SH3RF3: variants seen among roughly 807,000 people sequenced by gnomAD.
SH3RF3 encodes the protein SH3 domain containing ring finger 3, also known as E3 ubiquitin-protein ligase SH3RF3.
A neutral mutation model predicts 66.3 loss-of-function variants in SH3RF3; 29 were observed. The observed-to-expected ratio is 0.44, with a 90% confidence interval of 0.33 to 0.60. SH3RF3 has a LOEUF of 0.60. Among genes scored for constraint, SH3RF3 ranks in the 20% least tolerant of loss-of-function variants. The probability of loss-of-function intolerance (pLI) is 0.04; values close to 1 mark genes in which losing one functional copy is unlikely to be tolerated. For synonymous variants in SH3RF3, 583 were observed against 532.0 expected (o/e 1.10, Z -1.32); for missense variants, 1,194 against 1,190.9 (o/e 1.00, Z -0.04).
At position 109,501,483 on chromosome 2, in the gene SH3RF3, C is replaced by G; in HGVS notation, c.2481-20C>G. On this transcript the variant is annotated intron_variant, in intron 9 of 9. Transcript: ENST00000309415. ...TGGAGATTGTCTGTGTGGGGCTCAC[C>G]CACTGTGCTGTTTCCCCAGGTACCG... is the stretch of plus-strand genomic sequence containing the variant. 1 of 772,060 alleles carries G rather than the reference C, an allele frequency of 1.3e-6. No homozygotes were observed. The highest frequency in any genetic ancestry group is 1.7e-5 in the Admixed American group (1 of 57,948). 47.8% of individuals were successfully genotyped at this position (772,060 alleles called of 1,614,324 possible). A position where few individuals can be genotyped will look rare whatever the true frequency, so the allele number is the denominator to read the frequency against.
In SH3RF3 at chr2:109,401,514, C is replaced by G. The variant is rs75701168; in HGVS notation, c.1299+2571C>G. Among the ~76,000 whole-genome samples, 1,109 of 152,354 alleles carry G rather than the reference C, an allele frequency of 7.3e-3. 13 individuals are homozygous for G. Among genetic ancestry groups the G allele is most frequent in the East Asian group, 0.052 (270 of 5,172 alleles). On this transcript the variant is annotated intron_variant, in intron 4 of 9. Coordinates refer to ENST00000309415, the MANE Select transcript of SH3RF3 (RefSeq NM_001099289.3). Reference sequence around the variant, plus strand: ...TGGAACTGCCAGGCCAGTGCCTATCCTGACAAGTATCTGGCCTGTGTCCTG... The same window carrying G: ...TGGAACTGCCAGGCCAGTGCCTATCGTGACAAGTATCTGGCCTGTGTCCTG...
chr2:109,167,729 G>A (rs534594153), intron 1 of SH3RF3, among the ~76,000 whole-genome samples: 1 of 152,158 alleles, frequency 6.6e-6, no homozygotes, highest in Admixed American at 6.5e-5. Context: ...CTGTCACCAC[G>A]CCTGGCTAAT....
At chr2:109,290,309 C>T (rs9941575) in intron 1 of SH3RF3, among the ~76,000 whole-genome samples, 5,662 of 152,220 alleles carry the variant, frequency 0.037, 268 homozygotes, top group African/African-American at 0.1. Context: ...AACACATTGC[C>T]CCCAGGCACG....
intron 8 of SH3RF3, among the ~76,000 whole-genome samples, chr2:109,468,569 T>C (rs947136432): frequency 3.4e-4 from 51 of 151,980 alleles, no homozygotes. Flanking sequence ...AAGAAGGAAG[T>C]TAGGCCCGGT....
chr2:109,240,330 A>G (rs1436676944), intron 1 of SH3RF3, among the ~76,000 whole-genome samples: 1 of 152,164 alleles, frequency 6.6e-6, no homozygotes, highest in Non-Finnish European at 1.5e-5. Context: ...TACTAAAAAT[A>G]CAAAAAAATT....
intron 2 of SH3RF3, among the ~76,000 whole-genome samples, chr2:109,354,339 G>A (rs558659042): frequency 6.6e-6 from 1 of 152,290 alleles, no homozygotes; most frequent in South Asian, 2.1e-4. Flanking sequence ...GGCCTTCTCT[G>A]GGCTCCAGCT....
At chr2:109,371,942 C>T (rs1683282213) in intron 3 of SH3RF3, among the ~76,000 whole-genome samples, 1 of 152,172 alleles carries the variant, frequency 6.6e-6, no homozygotes, top group Admixed American at 6.5e-5. Flanking sequence ...GGCAGCAGGG[C>T]CCCCTTGTGC....
chr2:109,251,500 G>A, intron 1 of SH3RF3: 1 of 742,320 alleles, frequency 1.3e-6, no homozygotes, highest in Non-Finnish European at 2.5e-6. Flanking sequence ...TGGCAGACAT[G>A]TCCAAGGAAT....
At chr2:109,284,117 C>G (rs187349345) in intron 1 of SH3RF3, among the ~76,000 whole-genome samples, 35 of 152,260 alleles carry the variant, frequency 2.3e-4, no homozygotes, top group African/African-American at 7.9e-4. Flanking sequence ...AGACCTTGAA[C>G]GAACACATCC....
At chr2:109,219,550 A>C (rs1679178769) in intron 1 of SH3RF3, among the ~76,000 whole-genome samples, 1 of 152,226 alleles carries the variant, frequency 6.6e-6, no homozygotes, top group African/African-American at 2.4e-5. Context: ...TATGCATAGA[A>C]AACTCTAAGG....
intron 4 of SH3RF3, among the ~76,000 whole-genome samples, chr2:109,413,099 G>A (rs1192876324): frequency 1.3e-5 from 2 of 152,174 alleles, no homozygotes; most frequent in African/African-American, 4.8e-5. Context: ...TTTCTGACTT[G>A]TCTGATTATC....
chr2:109,492,827 G>T lies in SH3RF3; in HGVS notation c.2480+1891G>T, dbSNP rs1029584364. 2.0e-5 allele frequency among the ~76,000 whole-genome samples: 3 copies of T among 152,058 alleles called. No individual in the cohort carries two copies. The South Asian group carries it at 6.2e-4, about 32-fold the overall frequency. ...GGCCTATTATCAGCTTGTGGACATC[G>T]TGGGACATGTCACAGCTCCTCCAGG... is the stretch of plus-strand genomic sequence containing the variant. On this transcript the variant is annotated intron_variant, in intron 9 of 9. Transcript: ENST00000309415.
chr2:109,349,989 G>T (rs930780052), intron 2 of SH3RF3, among the ~76,000 whole-genome samples: 8 of 152,222 alleles, frequency 5.3e-5, no homozygotes, highest in African/African-American at 1.9e-4. Flanking sequence ...AGAGTCAGGT[G>T]CGGGAGACAG....
intron 2 of SH3RF3, among the ~76,000 whole-genome samples, chr2:109,348,749 C>T (rs1307309508): frequency 6.6e-6 from 1 of 152,124 alleles, no homozygotes; most frequent in African/African-American, 2.4e-5. Context: ...CCTCCTGCTT[C>T]CCCTTCCTCC....
At chr2:109,221,744 A>G (rs894773745) in intron 1 of SH3RF3, among the ~76,000 whole-genome samples, 2 of 152,186 alleles carry the variant, frequency 1.3e-5, no homozygotes, top group South Asian at 2.1e-4. Flanking sequence ...GGGAACTCAC[A>G]TATACTATTG....
chr2:109,388,641 T>G (rs762545791), intron 3 of SH3RF3, among the ~76,000 whole-genome samples: 1 of 152,240 alleles, frequency 6.6e-6, no homozygotes, highest in Non-Finnish European at 1.5e-5. Flanking sequence ...CAAACACCTA[T>G]GCATGGAATA....
intron 9 of SH3RF3, among the ~76,000 whole-genome samples, chr2:109,492,451 G>A (rs1250725358): frequency 6.6e-6 from 1 of 152,118 alleles, no homozygotes; most frequent in Non-Finnish European, 1.5e-5. Flanking sequence ...AGCATCACAA[G>A]AGCTGGGTGT....
At chr2:109,333,431 C>A (rs1029909240) in intron 1 of SH3RF3, among the ~76,000 whole-genome samples, 1 of 152,188 alleles carries the variant, frequency 6.6e-6, no homozygotes, top group African/African-American at 2.4e-5. Flanking sequence ...ATAAAACAAG[C>A]CTAACCTTAG....
chr2:109,251,365 A>T, intron 1 of SH3RF3: 1 of 624,132 alleles, frequency 1.6e-6, no homozygotes, highest in Non-Finnish European at 3.0e-6. Flanking sequence ...CCGCGGGAGC[A>T]TGAGGGAGTC....
Sources: allele counts gnomAD v4.1 joint callset (sites outside exome capture counted in the v4.1 genomes callset), GRCh38; gene constraint gnomAD v4.1.1; transcripts MANE v1.5; gene names NCBI Gene and HGNC (gene_info 2026-07-23, HGNC 2026-07-21).